The following GPR37 variants were observed in gnomAD, a reference collection of about 807,000 sequenced individuals.
GPR37 encodes prosaposin receptor GPR37.
Under a neutral mutation model 43.6 loss-of-function variants are expected in GPR37, and 20 were observed. That is an observed-to-expected ratio of 0.46 (90% CI 0.32 to 0.67). GPR37 has a LOEUF of 0.67. GPR37 is among the 30% of genes least tolerant of loss of function. The pLI, the probability that GPR37 is intolerant of heterozygous loss-of-function variation, is 0.03. For synonymous variants in GPR37, 315 were observed against 322.6 expected (o/e 0.98, Z 0.25); for missense variants, 724 against 797.2 (o/e 0.91, Z 1.11).
chr7:124,747,077 G>A lies in GPR37; in HGVS notation c.1290C>T (p.Thr430=), dbSNP rs1243531468. 2 of 1,613,918 alleles carry A rather than the reference G, an allele frequency of 1.2e-6. No individual in the cohort carries two copies. The highest frequency in any genetic ancestry group is 4.5e-5 in the East Asian group (2 of 44,846). The change falls in exon 2 of 2, where the codon ACC becomes ACT. Residue 430 remains threonine (T), a synonymous_variant. Coordinates refer to ENST00000303921, the MANE Select transcript of GPR37 (RefSeq NM_005302.5). ...CGTAGGTGAGGGCTAGAACATAGATGGTGTCTGGTAAATCAGGAGAGATCT... is the reference window on the plus strand; with the variant it reads ...CGTAGGTGAGGGCTAGAACATAGATAGTGTCTGGTAAATCAGGAGAGATCT... ...IIKISPDLPD[T]IYVLALTYDS... is the part of the protein sequence containing the mutation.
At position 124,746,731 on chromosome 7, in the gene GPR37, G is replaced by A. The variant is rs1264730592; in HGVS notation, c.1636C>T (p.Pro546Ser). The A allele has an allele frequency of 6.2e-7, 1 of 1,613,840 alleles. No homozygotes were observed. The highest frequency in any genetic ancestry group is 8.5e-7 in the Non-Finnish European group (1 of 1,179,906). The change falls in exon 2 of 2, where the codon CCA (proline) becomes TCA (serine). Residue 546 changes from proline to serine, a missense_variant. Pro to Ser is a moderately conservative substitution (Grantham distance 74). This residue lies in a region of GPR37 where 342 missense variants were observed against 441.8 expected (regional missense o/e 0.77). Transcript: ENST00000303921. ...FLLFFKSCVT[P>S]VLLFCLCKPF... is the part of the protein sequence containing the mutation. ...TTGCAGAGACAGAAAAGGAGGACTGGGGTGACACAGGACTTAAAGAACAAA... is the reference window on the plus strand; with the variant it reads ...TTGCAGAGACAGAAAAGGAGGACTGAGGTGACACAGGACTTAAAGAACAAA...
chr7:124,755,681 T>C (rs1380334340), intron 1 of GPR37, among the ~76,000 whole-genome samples: 2 of 152,334 alleles, frequency 1.3e-5, no homozygotes, highest in East Asian at 1.9e-4. Context: ...TGTCTTAAGA[T>C]ATAAACCATC....
intron 1 of GPR37, among the ~76,000 whole-genome samples, chr7:124,753,547 G>A (rs1268833874): frequency 2.6e-5 from 4 of 151,026 alleles, no homozygotes; most frequent in Non-Finnish European, 5.9e-5. Context: ...ACCACAAAGT[G>A]GAAAAAAAAA....
At position 124,764,562 on chromosome 7, in the gene GPR37, G is replaced by C. The variant is rs1192218160; in HGVS notation, c.415C>G (p.Pro139Ala). 1 of 1,612,948 alleles carries C rather than the reference G, an allele frequency of 6.2e-7. No homozygotes were observed. Among genetic ancestry groups the C allele is most frequent in the East Asian group, 2.2e-5 (1 of 44,858 alleles). Reference sequence around the variant, plus strand: ...TGAAGGAAGAGCTGGAGGGCCGTGGGGTTCCCTCTCCCCAAAGTTTCAGAA... The same window carrying C: ...TGAAGGAAGAGCTGGAGGGCCGTGGCGTTCCCTCTCCCCAAAGTTTCAGAA... Reference protein sequence around the residue: ...EPSETLGRGNPTALQLFLQIS... With the variant: ...EPSETLGRGNATALQLFLQIS... Residue 139 changes from proline (P) to alanine (A), a missense_variant, in exon 1 of 2, where the codon CCC becomes GCC. Coordinates refer to ENST00000303921, the MANE Select transcript of GPR37 (RefSeq NM_005302.5). This position sits in a 1 kb window ranked among gnomAD's most constrained non-coding sequence, Gnocchi z 5.4.
Position 124,746,856 on chromosome 7 carries a change from C to A in GPR37, c.1511G>T (p.Cys504Phe), listed in dbSNP as rs1340061970. ...GTTGCAGATATTTTCAGGAATAATG[C>A]AAAATCCATATAAAATGGTCAGTGC... is the stretch of plus-strand genomic sequence containing the variant. ...VVALTILYGF[C>F]IIPENICNIV... Residue 504 changes from cysteine (C) to phenylalanine (F), a missense_variant, in exon 2 of 2, where the codon TGC (cysteine) becomes TTC (phenylalanine). Physicochemically the swap from Cys to Phe is radical, Grantham distance 205 (BLOSUM62 -2). Around this residue, in one of 2 missense-constraint regions of GPR37, gnomAD observed 342 missense variants for 441.8 expected, o/e 0.77. Coordinates refer to ENST00000303921, the MANE Select transcript of GPR37 (RefSeq NM_005302.5). 4.3e-6 allele frequency: 7 copies of A among 1,614,054 alleles called. No homozygotes were observed. In the South Asian group the frequency reaches 7.7e-5, roughly 18 times the overall value.
chr7:124,765,329 A>G lies in GPR37; in HGVS notation c.-353T>C. ...TTGAGACTCGGGGGAGCCCAGACGA[A>G]GCCCCACACTCCTCACTGCCTTTGG... is the stretch of plus-strand genomic sequence containing the variant. On this transcript the variant is annotated 5_prime_UTR_variant, in exon 1 of 2. Transcript: ENST00000303921. 1 of 237,472 alleles carries G rather than the reference A, an allele frequency of 4.2e-6. No homozygotes were observed. The allele number at this position is 237,472 out of a possible 1,614,324, so 14.7% of individuals were successfully genotyped here.
At chr7:124,747,853 C>T (rs1793691193) in intron 1 of GPR37, among the ~76,000 whole-genome samples, 1 of 152,088 alleles carries the variant, frequency 6.6e-6, no homozygotes, top group Admixed American at 6.5e-5. Flanking sequence ...TGGAGGGCTC[C>T]TCCAATTTTT....
rs1389164929 is a variant in GPR37 at position 124,747,100 on chromosome 7, T to C, written c.1267A>G (p.Ile423Val). The change falls in exon 2 of 2, where the codon ATC becomes GTC. Residue 423 changes from isoleucine to valine, a missense_variant. By Grantham distance (29) the Ile-to-Val change is conservative (BLOSUM62 3). Coordinates refer to ENST00000303921, the MANE Select transcript of GPR37 (RefSeq NM_005302.5). The stretch of plus-strand genomic sequence containing the variant: ...ATGGTGTCTGGTAAATCAGGAGAGA[T>C]CTTAATAATGCACCTTTCTGCCGGA... ...RAPAERCIIK[I>V]SPDLPDTIYV... is the part of the protein sequence containing the mutation. 1 of 1,613,916 alleles carries C rather than the reference T, an allele frequency of 6.2e-7. No homozygotes were observed. The highest frequency in any genetic ancestry group is 8.5e-7 in the Non-Finnish European group (1 of 1,179,910).
In GPR37 at chr7:124,747,026, A is replaced by G. The variant is rs1793679854; in HGVS notation, c.1341T>C (p.Phe447=). Reference sequence around the variant, plus strand: ...GCGTGGGCAAACAAAAGTAACAGCCAAAATACCACCACAGTCTCGCACTGT... The same window carrying G: ...GCGTGGGCAAACAAAAGTAACAGCCGAAATACCACCACAGTCTCGCACTGT... The part of the protein sequence containing the change: ...TYDSARLWWY[F]GCYFCLPTLF... Residue 447 remains phenylalanine (F), a synonymous_variant, in exon 2 of 2, where the codon TTT becomes TTC. Coordinates refer to ENST00000303921, the MANE Select transcript of GPR37 (RefSeq NM_005302.5). The G allele has an allele frequency of 6.2e-7, 1 of 1,613,916 alleles. No individual in the cohort carries two copies. The highest frequency in any genetic ancestry group is 1.3e-5 in the African/African-American group (1 of 74,918).
chr7:124,757,122 C>T (rs1725372535), intron 1 of GPR37, among the ~76,000 whole-genome samples: 1 of 152,126 alleles, frequency 6.6e-6, no homozygotes, highest in African/African-American at 2.4e-5. Context: ...CTCCCCTTTC[C>T]TCGACTCCAC....
chr7:124,764,470 A>G lies in GPR37; in HGVS notation c.507T>C (p.Ser169=), dbSNP rs751311145. The G allele has an allele frequency of 6.2e-7, 1 of 1,613,398 alleles. No individual in the cohort carries two copies. Among genetic ancestry groups the G allele is most frequent in the South Asian group, 1.1e-5 (1 of 91,070 alleles). Residue 169 remains serine (S), a synonymous_variant, in exon 1 of 2, where the codon AGT becomes AGC. Transcript: ENST00000303921. The surrounding 1 kb of genome is among the most constrained non-coding windows in gnomAD (Gnocchi z 5.4). ...AGISGRSQEQ[S]VKTVPGASDL... ...CGCTGGCTCCGGGGACTGTCTTCAC[A>G]CTCTGCTCCTGGCTACGCCCGGAAA...
Position 124,765,087 on chromosome 7 carries a change from C to A in GPR37, c.-111G>T. ...CACATGTCACATACTCACCCCCGCC[C>A]GGGTAGCGGGGAACCGGAGATTAGG... is the stretch of plus-strand genomic sequence containing the variant. On this transcript the variant is annotated 5_prime_UTR_variant, in exon 1 of 2. Coordinates refer to ENST00000303921, the MANE Select transcript of GPR37 (RefSeq NM_005302.5). The A allele has an allele frequency of 9.9e-7, 1 of 1,008,958 alleles. No individual in the cohort carries two copies. 62.5% of individuals were successfully genotyped at this position (1,008,958 alleles called of 1,614,324 possible). A position where few individuals can be genotyped will look rare whatever the true frequency, so the allele number is the denominator to read the frequency against.
At chr7:124,756,982 G>T (rs1048882292) in intron 1 of GPR37, among the ~76,000 whole-genome samples, 1 of 152,150 alleles carries the variant, frequency 6.6e-6, no homozygotes, top group Non-Finnish European at 1.5e-5. Context: ...TTGCCTCCTT[G>T]TCTCTGTGGA....
intron 1 of GPR37, among the ~76,000 whole-genome samples, chr7:124,756,321 T>G (rs970074592): frequency 1.3e-5 from 2 of 152,172 alleles, no homozygotes; most frequent in Admixed American, 1.3e-4. Context: ...ATCAAATCAA[T>G]GACCTTGGCC....
chr7:124,748,121 G>A (rs1411758811), intron 1 of GPR37, among the ~76,000 whole-genome samples: 2 of 152,114 alleles, frequency 1.3e-5, no homozygotes, highest in Non-Finnish European at 2.9e-5. Flanking sequence ...TGGGGCCAAT[G>A]TGGGTGGGGA....
At chr7:124,750,502 T>C (rs1185817479) in intron 1 of GPR37, among the ~76,000 whole-genome samples, 1 of 152,148 alleles carries the variant, frequency 6.6e-6, no homozygotes, top group Non-Finnish European at 1.5e-5. Flanking sequence ...AGAACATCTA[T>C]TTGCTTGGTG....
At chr7:124,762,832 A>G (rs1793866403) in intron 1 of GPR37, among the ~76,000 whole-genome samples, 1 of 152,228 alleles carries the variant, frequency 6.6e-6, no homozygotes. Flanking sequence ...AATGTTGAAC[A>G]TAGTGTCACA....
intron 1 of GPR37, among the ~76,000 whole-genome samples, chr7:124,750,574 T>A (rs1455295863): frequency 6.6e-6 from 1 of 152,104 alleles, no homozygotes; most frequent in South Asian, 2.1e-4. Flanking sequence ...TCTCTATTAA[T>A]CTCCCTAGTT....
rs1185982405 is a variant in GPR37, at chr7:124,745,607, G to T, written c.*918C>A. On this transcript the variant is annotated 3_prime_UTR_variant, in exon 2 of 2. Transcript: ENST00000303921. ...AAGGAGAAAAATTAGAACTCAGAGT[G>T]CTTTACGTAGGATTCACAAAGCTTC... Among the ~76,000 whole-genome samples the T allele has an allele frequency of 6.6e-6, 1 of 152,108 alleles. No individual in the cohort carries two copies. The highest frequency in any genetic ancestry group is 1.5e-5 in the Non-Finnish European group (1 of 68,020).
Sources: gnomAD v4.1 joint callset for allele counts (sites outside exome capture counted in the v4.1 genomes callset) on GRCh38, gnomAD v4.1.1 for gene constraint, gnomAD v4.1.1 regional missense constraint, Gnocchi (gnomAD v3.1) non-coding constraint, MANE v1.5 for transcripts, NCBI Gene and HGNC (gene_info 2026-07-23, HGNC 2026-07-21) for gene names.